TENM4: variants seen among roughly 807,000 people sequenced by gnomAD.
TENM4 encodes the protein teneurin transmembrane protein 4, also known as teneurin-4.
A neutral mutation model predicts 243.3 loss-of-function variants in TENM4; 82 were observed. The ratio of observed to expected loss-of-function variants is 0.34; its 90% CI spans 0.28 to 0.40. The LOEUF is 0.40. TENM4 is among the 10% of genes least tolerant of loss of function. The pLI, the probability that TENM4 is intolerant of heterozygous loss-of-function variation, is 1.00. For synonymous variants in TENM4, 1,412 were observed against 1,456.3 expected, an observed-to-expected ratio of 0.97 and a Z score of 0.69; for missense variants, 3,138 against 3,673.3, an observed-to-expected ratio of 0.85 and a Z score of 3.77.
chr11:79,205,871 G>C (rs141652496), intron 3 of TENM4, among the ~76,000 whole-genome samples: 66 of 152,316 alleles, frequency 4.3e-4, no homozygotes, highest in African/African-American at 1.4e-3. Flanking sequence ...AGAGAGAAAG[G>C]AGGCACTACT....
rs1209783358 is a variant in TENM4 at position 78,812,250 on chromosome 11, C to T, written c.1850G>A (p.Gly617Asp). 6.4e-7 allele frequency: 1 copy of T among 1,552,146 alleles called. No homozygotes were observed. Among genetic ancestry groups the T allele is most frequent in the Non-Finnish European group, 8.7e-7 (1 of 1,147,226 alleles). ...CACATCGCACTCAGCGCCTTTCCAG[C>T]CACTGTGGCACAAGCATCTGCCTTT... Reference protein sequence around the residue: ...YMKGRCLCHSGWKGAECDVPT... With the variant: ...YMKGRCLCHSDWKGAECDVPT... The change falls in exon 14 of 34, where the codon GGC (glycine) becomes GAC (aspartate). Residue 617 changes from glycine (G) to aspartate (D), a missense_variant. By Grantham distance (94) the Gly-to-Asp change is moderately conservative (BLOSUM62 -1). Around this residue, in one of 2 missense-constraint regions of TENM4, gnomAD observed 2,467 missense variants for 3,059.1 expected, o/e 0.81. Transcript: ENST00000278550.
intron 6 of TENM4, among the ~76,000 whole-genome samples, chr11:79,049,992 A>G (rs1055743699): frequency 6.6e-6 from 1 of 151,918 alleles, no homozygotes; most frequent in Non-Finnish European, 1.5e-5. Flanking sequence ...GCCCCACTCC[A>G]TGTTGTGTCC....
chr11:79,005,831 T>G (rs1439918913), intron 6 of TENM4, among the ~76,000 whole-genome samples: 1 of 152,220 alleles, frequency 6.6e-6, no homozygotes, highest in African/African-American at 2.4e-5. Flanking sequence ...AATATGATTC[T>G]ATACCTAGAA....
At chr11:79,424,508 G>A (rs1029426737) in intron 1 of TENM4, among the ~76,000 whole-genome samples, 1 of 152,098 alleles carries the variant, frequency 6.6e-6, no homozygotes, top group Non-Finnish European at 1.5e-5. Context: ...CTTATACTTG[G>A]GGAACTGAGG....
At chr11:78,764,937 G>T (rs1297240447) in intron 18 of TENM4, among the ~76,000 whole-genome samples, 2 of 152,074 alleles carry the variant, frequency 1.3e-5, no homozygotes, top group Admixed American at 1.3e-4. Flanking sequence ...GGAGAATGGG[G>T]GTGTGGGCGG....
chr11:79,087,406 G>A (rs181648858), intron 4 of TENM4, among the ~76,000 whole-genome samples: 179 of 152,286 alleles, frequency 1.2e-3, no homozygotes, highest in African/African-American at 4.2e-3. Context: ...CATGCTGAGA[G>A]GATTCTGATC....
intron 8 of TENM4, among the ~76,000 whole-genome samples, chr11:78,890,710 A>C (rs1312736720): frequency 6.6e-6 from 1 of 152,182 alleles, no homozygotes; most frequent in Non-Finnish European, 1.5e-5. Flanking sequence ...ACTGCACCCT[A>C]CAGCCTAGTC....
At chr11:78,997,321 C>T (rs1211066503) in intron 6 of TENM4, among the ~76,000 whole-genome samples, 1 of 152,154 alleles carries the variant, frequency 6.6e-6, no homozygotes, top group African/African-American at 2.4e-5. Flanking sequence ...CATCAGTCTC[C>T]AAAGTTTACA....
chr11:79,350,887 C>A (rs1857403449), intron 1 of TENM4, among the ~76,000 whole-genome samples: 1 of 152,132 alleles, frequency 6.6e-6, no homozygotes, highest in Non-Finnish European at 1.5e-5. Flanking sequence ...CCTCCAATTA[C>A]CCTCTATGCT....
At chr11:79,373,843 A>G (rs1363990394) in intron 1 of TENM4, among the ~76,000 whole-genome samples, 1 of 152,192 alleles carries the variant, frequency 6.6e-6, no homozygotes, top group African/African-American at 2.4e-5. Flanking sequence ...CCAAGATATC[A>G]TTAAGTCAAA....
intron 4 of TENM4, among the ~76,000 whole-genome samples, chr11:79,102,304 C>T (rs1861252718): frequency 6.6e-6 from 1 of 152,208 alleles, no homozygotes; most frequent in African/African-American, 2.4e-5. Context: ...CTTGGAAGAA[C>T]TTCCTGAGAA....
intron 2 of TENM4, among the ~76,000 whole-genome samples, chr11:79,246,985 CAAA>C (rs66877398): frequency 2.8e-4 from 37 of 133,676 alleles, no homozygotes; most frequent in African/African-American, 1.0e-3. Flanking sequence ...TTGTATTTCT[CAAA>C]AAAAAAAAAA....
intron 1 of TENM4, among the ~76,000 whole-genome samples, chr11:79,421,394 C>T (rs759532395): frequency 6.6e-6 from 1 of 152,150 alleles, no homozygotes. Context: ...AATGTGATAT[C>T]GCTTGATATA....
intron 4 of TENM4, among the ~76,000 whole-genome samples, chr11:79,145,635 A>G (rs777690424): frequency 1.3e-5 from 2 of 152,096 alleles, no homozygotes; most frequent in African/African-American, 4.8e-5. Flanking sequence ...ATCTGTGTAC[A>G]TATCTCAGGG....
At chr11:78,708,819 G>A (rs1367125130) in intron 26 of TENM4, among the ~76,000 whole-genome samples, 1 of 152,114 alleles carries the variant, frequency 6.6e-6, no homozygotes, top group East Asian at 1.9e-4. Flanking sequence ...ACTTCTGGGG[G>A]TTTTTAAGCA....
intron 3 of TENM4, among the ~76,000 whole-genome samples, chr11:79,207,325 G>A (rs144453974): frequency 1.4e-3 from 208 of 152,300 alleles, no homozygotes; most frequent in African/African-American, 4.8e-3. Context: ...CAACTAACAC[G>A]GAGTGAGAGT....
chr11:79,212,183 G>A (rs758822862), intron 3 of TENM4, among the ~76,000 whole-genome samples: 1 of 152,174 alleles, frequency 6.6e-6, no homozygotes, highest in African/African-American at 2.4e-5. Flanking sequence ...CATGATGTGG[G>A]TTCCCTGGCA....
At chr11:78,869,569 A>T (rs557848364) in intron 9 of TENM4, among the ~76,000 whole-genome samples, 2 of 152,150 alleles carry the variant, frequency 1.3e-5, no homozygotes, top group Non-Finnish European at 2.9e-5. Context: ...GACCCCAGAC[A>T]TGAGGAATTA....
intron 6 of TENM4, among the ~76,000 whole-genome samples, chr11:78,989,747 C>A (rs1857995737): frequency 6.6e-6 from 1 of 152,062 alleles, no homozygotes; most frequent in South Asian, 2.1e-4. Flanking sequence ...AATGGCCTAG[C>A]GTGGAGTATA....
Sources: gnomAD v4.1 joint callset for allele counts (sites outside exome capture counted in the v4.1 genomes callset) on GRCh38, gnomAD v4.1.1 for gene constraint, gnomAD v4.1.1 regional missense constraint, MANE v1.5 for transcripts, NCBI Gene and HGNC (gene_info 2026-07-23, HGNC 2026-07-21) for gene names.